The following FBXL17 variants were observed in gnomAD, a reference collection of about 807,000 sequenced individuals.
FBXL17 encodes F-box/LRR-repeat protein 17.
In FBXL17, 22 loss-of-function variants were observed where a neutral mutation model predicts 66.2. The observed-to-expected ratio is 0.33, with a 90% CI of 0.24 to 0.47. The LOEUF is 0.47. Among genes scored for constraint, FBXL17 ranks in the 20% least tolerant of loss-of-function variants. The probability of loss-of-function intolerance (pLI) is 1.00; values close to 1 mark genes in which losing one functional copy is unlikely to be tolerated. For missense variants in FBXL17, 878 were observed against 948.2 expected (o/e 0.93, Z 0.97); for synonymous variants, 474 against 400.5 (o/e 1.18, Z -2.19).
chr5:108,097,888 ACTGT>A (rs1356749913), intron 6 of FBXL17, among the ~76,000 whole-genome samples: 6 of 152,216 alleles, frequency 3.9e-5, no homozygotes, highest in Non-Finnish European at 5.9e-5. Context: ...AACATTTTAT[ACTGT>A]CTAACAGGTT....
intron 7 of FBXL17, among the ~76,000 whole-genome samples, chr5:107,895,205 G>A (rs576559901): frequency 7.9e-5 from 12 of 152,034 alleles, no homozygotes; most frequent in Non-Finnish European, 1.5e-4. Context: ...CTACCTTTAA[G>A]AATTTTTTTT....
At chr5:108,148,815 C>G (rs1301477202) in intron 6 of FBXL17, among the ~76,000 whole-genome samples, 3 of 152,170 alleles carry the variant, frequency 2.0e-5, no homozygotes, top group Non-Finnish European at 4.4e-5. Flanking sequence ...ATTCTGATGG[C>G]TGCCACTAAG....
intron 7 of FBXL17, among the ~76,000 whole-genome samples, chr5:107,995,607 A>C (rs2112703130): frequency 1.3e-5 from 2 of 152,288 alleles, no homozygotes; most frequent in African/African-American, 4.8e-5. Context: ...ATCAACTCAA[A>C]TTTCTGAAGG....
intron 4 of FBXL17, among the ~76,000 whole-genome samples, chr5:108,251,592 G>A (rs745445291): frequency 5.9e-5 from 9 of 152,014 alleles, no homozygotes; most frequent in African/African-American, 1.7e-4. Context: ...ACTGAGCCAA[G>A]AGAAGTTGGC....
chr5:108,185,482 T>C (rs1286008032), intron 6 of FBXL17, among the ~76,000 whole-genome samples: 4 of 152,218 alleles, frequency 2.6e-5, no homozygotes, highest in Non-Finnish European at 4.4e-5. Context: ...CCAGCCATAC[T>C]TCCTGTACAG....
intron 6 of FBXL17, among the ~76,000 whole-genome samples, chr5:108,173,907 G>A (rs552441286): frequency 6.6e-6 from 1 of 152,244 alleles, no homozygotes; most frequent in Admixed American, 6.5e-5. Context: ...TTGACAAATT[G>A]GTGCTGCCAA....
Position 108,064,474 on chromosome 5 carries a change from G to A in FBXL17, c.1746-43473C>T, listed in dbSNP as rs1408566913. Among the ~76,000 whole-genome samples, 5 of 152,102 alleles carry A rather than the reference G, an allele frequency of 3.3e-5. No homozygotes were observed. In the East Asian group the frequency reaches 5.8e-4, roughly 18 times the overall value. On this transcript the variant is annotated intron_variant, in intron 6 of 8. Coordinates refer to ENST00000542267, the MANE Select transcript of FBXL17 (RefSeq NM_001163315.3). ...ACAAGCAGGGATGGAGATGCCAAGG[G>A]AGGGTGCTGGCCAGCAGCTTTGCAG...
chr5:108,000,178 T>C (rs1214037624), intron 7 of FBXL17, among the ~76,000 whole-genome samples: 3 of 152,236 alleles, frequency 2.0e-5, no homozygotes, highest in Non-Finnish European at 1.5e-5. Context: ...GTATTGTTTT[T>C]ATTGTTGTTT....
intron 4 of FBXL17, among the ~76,000 whole-genome samples, chr5:108,306,823 CTAAT>C (rs774067082): frequency 7.9e-5 from 12 of 151,952 alleles, no homozygotes; most frequent in African/African-American, 1.9e-4. Flanking sequence ...TCTCTCTTCA[CTAAT>C]TAATTATCAC....
At chr5:108,274,553 A>G (rs1757408058) in intron 4 of FBXL17, among the ~76,000 whole-genome samples, 1 of 152,174 alleles carries the variant, frequency 6.6e-6, no homozygotes, top group Non-Finnish European at 1.5e-5. Flanking sequence ...AGTTAATGCA[A>G]TTATTACAGG....
chr5:107,882,142 T>C (rs1748812859), intron 7 of FBXL17, among the ~76,000 whole-genome samples: 1 of 152,206 alleles, frequency 6.6e-6, no homozygotes, highest in Non-Finnish European at 1.5e-5. Context: ...GTGCCACAAA[T>C]ATCAAAAAGA....
chr5:108,036,929 T>C (rs181295629), intron 6 of FBXL17, among the ~76,000 whole-genome samples: 9 of 152,288 alleles, frequency 5.9e-5, no homozygotes, highest in Non-Finnish European at 1.0e-4. Context: ...GGTTTGCTTA[T>C]AGTTAGGAAG....
chr5:108,224,483 T>C (rs1755009170), intron 4 of FBXL17, among the ~76,000 whole-genome samples: 1 of 151,736 alleles, frequency 6.6e-6, no homozygotes, highest in South Asian at 2.1e-4. Context: ...CTCCAATTCT[T>C]TACCTTCTCC....
chr5:108,238,552 C>T (rs1351366175), intron 4 of FBXL17, among the ~76,000 whole-genome samples: 3 of 152,104 alleles, frequency 2.0e-5, no homozygotes, highest in Non-Finnish European at 4.4e-5. Context: ...ATTCTGTCAC[C>T]CAGGCTGAAG....
At chr5:108,117,966 C>T (rs1750328902) in intron 6 of FBXL17, among the ~76,000 whole-genome samples, 1 of 152,042 alleles carries the variant, frequency 6.6e-6, no homozygotes, top group South Asian at 2.1e-4. Context: ...ATACTAGAAA[C>T]CGTAAGGAAT....
At chr5:108,017,069 AT>A (rs2112754461) in intron 7 of FBXL17, among the ~76,000 whole-genome samples, 1 of 152,212 alleles carries the variant, frequency 6.6e-6, no homozygotes, top group Non-Finnish European at 1.5e-5. Context: ...ATGAGCCACT[AT>A]GCCTGGCCTT....
intron 4 of FBXL17, among the ~76,000 whole-genome samples, chr5:108,238,720 C>T (rs1309885719): frequency 2.0e-5 from 3 of 152,020 alleles, no homozygotes; most frequent in Non-Finnish European, 2.9e-5. Context: ...GGTTTCACCA[C>T]GTTGCCCAGG....
At chr5:107,874,119 G>A (rs569232609) in intron 8 of FBXL17, among the ~76,000 whole-genome samples, 32 of 152,154 alleles carry the variant, frequency 2.1e-4, no homozygotes, top group African/African-American at 7.2e-4. Flanking sequence ...GACTTCTACC[G>A]GTTCCAGGTT....
chr5:108,311,819 T>C (rs1378561995), intron 4 of FBXL17, among the ~76,000 whole-genome samples: 1 of 152,178 alleles, frequency 6.6e-6, no homozygotes, highest in Non-Finnish European at 1.5e-5. Context: ...AACAAACGGC[T>C]TATAATGAAC....
Sources: gnomAD v4.1 joint callset for allele counts (sites outside exome capture counted in the v4.1 genomes callset) on GRCh38, gnomAD v4.1.1 for gene constraint, MANE v1.5 for transcripts, NCBI Gene and HGNC (gene_info 2026-07-23, HGNC 2026-07-21) for gene names.